DEGS2: variants seen among roughly 807,000 people sequenced by gnomAD.
DEGS2 encodes sphingolipid delta(4)-desaturase/C4-monooxygenase DES2.
A neutral mutation model predicts 23.8 loss-of-function variants in DEGS2; 19 were observed. The ratio of observed to expected loss-of-function variants is 0.80; its 90% CI spans 0.56 to 1.17. The LOEUF is 1.17. DEGS2 is among the 50% of genes most tolerant of loss of function. The pLI, the probability that DEGS2 is intolerant of heterozygous loss-of-function variation, is 0.00. For missense variants in DEGS2, 390 were observed against 459.5 expected, an observed-to-expected ratio of 0.85 and a Z score of 1.38; for synonymous variants, 218 against 213.7, an observed-to-expected ratio of 1.02 and a Z score of -0.18.
chr14:100,154,341 G>A (rs1236698327), intron 1 of DEGS2, among the ~76,000 whole-genome samples: 5 of 141,482 alleles, frequency 3.5e-5, no homozygotes, highest in Non-Finnish European at 7.6e-5. Flanking sequence ...CTCCAGCCTG[G>A]CAACAAAGCG....
rs536706572 is a variant in DEGS2 at position 100,149,700 on chromosome 14, C to T, written c.93G>A (p.Pro31=). 16 of 1,600,662 alleles carry T rather than the reference C, an allele frequency of 1.0e-5. No homozygotes were observed. The South Asian group carries it at 1.0e-4, about 10-fold the overall frequency. ...CTGGCCGCATCAGGGCCTTGATGGC[C>T]GGGTACTTGGCTGCAAGGAAGACAG... ...QRRKEILAKY[P]AIKALMRPDP... The change falls in exon 2 of 3, where the codon CCG becomes CCA. Residue 31 remains proline (P), a synonymous_variant. Transcript: ENST00000305631.
Position 100,149,413 on chromosome 14 carries a change from T to G in DEGS2, c.380A>C (p.Tyr127Ser). Residue 127 changes from tyrosine (Y) to serine (S), a missense_variant, in exon 2 of 3, where the codon TAC becomes TCC. Tyr to Ser is a moderately radical substitution (Grantham distance 144). Coordinates refer to ENST00000305631, the MANE Select transcript of DEGS2 (RefSeq NM_206918.3). ...GVPYAASFKKYHVDHHRYLGG... is the reference protein window; with the variant it reads ...GVPYAASFKKSHVDHHRYLGG... ...CAGGTAGCGGTGGTGGTCCACGTGGTACTTCTTGAAGGAGGCGGCGTAGGG... is the reference window on the plus strand; with the variant it reads ...CAGGTAGCGGTGGTGGTCCACGTGGGACTTCTTGAAGGAGGCGGCGTAGGG... The G allele has an allele frequency of 6.2e-7, 1 of 1,602,686 alleles. No individual in the cohort carries two copies. The highest frequency in any genetic ancestry group is 8.5e-7 in the Non-Finnish European group (1 of 1,173,504).
chr14:100,164,362 G>A (rs925910518), upstream of DEGS2, among the ~76,000 whole-genome samples: 12 of 152,198 alleles, frequency 7.9e-5, no homozygotes, highest in East Asian at 2.1e-3. Context: ...TGGGCTGGGC[G>A]TGGTGACTCA....
At chr14:100,148,699 G>A (rs1354217151) in intron 2 of DEGS2, among the ~76,000 whole-genome samples, 1 of 152,230 alleles carries the variant, frequency 6.6e-6, no homozygotes. Flanking sequence ...AAGACACCCT[G>A]TCAGTATCAT....
At chr14:100,150,277 G>C (rs1001971178) in intron 1 of DEGS2, among the ~76,000 whole-genome samples, 1 of 152,118 alleles carries the variant, frequency 6.6e-6, no homozygotes, top group African/African-American at 2.4e-5. Flanking sequence ...CCGCAGGTCC[G>C]AAGGCACCAC....
At chr14:100,163,722 T>C (rs933374207), upstream of DEGS2, among the ~76,000 whole-genome samples, 1 of 152,120 alleles carries the variant, frequency 6.6e-6, no homozygotes, top group East Asian at 1.9e-4. Flanking sequence ...ACTTGTTTAT[T>C]TTATTATTAC....
chr14:100,150,759 C>T, intron 1 of DEGS2, among the ~76,000 whole-genome samples: 1 of 152,244 alleles, frequency 6.6e-6, no homozygotes, highest in East Asian at 1.9e-4. Context: ...CTTTCCTCAG[C>T]ACCTCCTAGG....
chr14:100,162,767 A>T (rs1350354133), upstream of DEGS2, among the ~76,000 whole-genome samples: 1 of 152,100 alleles, frequency 6.6e-6, no homozygotes, highest in Non-Finnish European at 1.5e-5. Flanking sequence ...GGTGCTGGTT[A>T]CCTCTCAAGA....
chr14:100,145,165 C>T lies in DEGS2; in HGVS notation c.*1596G>A, dbSNP rs567742428. The T allele has an allele frequency of 2.6e-5, 4 of 152,528 alleles. No individual in the cohort carries two copies. The highest frequency in any genetic ancestry group is 2.6e-4 in the Admixed American group (4 of 15,312). The allele number at this position is 152,528 out of a possible 1,614,324, so 9.4% of individuals were successfully genotyped here. A position where few individuals can be genotyped will look rare whatever the true frequency, so the allele number is the denominator to read the frequency against. ...AGGACTGTCTGTCTTCGGAGCCACC[C>T]TCTGACCCTGGGCCTGGCCTTCAGT... On this transcript the variant is annotated 3_prime_UTR_variant, in exon 3 of 3. Transcript: ENST00000305631.
chr14:100,146,720 C>A lies in DEGS2; in HGVS notation c.*41G>T. On this transcript the variant is annotated 3_prime_UTR_variant, in exon 3 of 3. Transcript: ENST00000305631. The stretch of plus-strand genomic sequence containing the variant: ...AGTGCTGGGGTGCAAGGCTGAGGGG[C>A]CGATGGGGGACAATGGCCACCACCA... 1 of 1,604,660 alleles carries A rather than the reference C, an allele frequency of 6.2e-7. No individual in the cohort carries two copies. The highest frequency in any genetic ancestry group is 8.5e-7 in the Non-Finnish European group (1 of 1,175,472).
the DEGS2 span, among the ~76,000 whole-genome samples, chr14:100,166,329 G>C: frequency 0.24 from 10,843 of 45,728 alleles, 2,816 homozygotes; most frequent in African/African-American, 0.59. Context: ...GCCCGGGGCT[G>C]TGGGGGAGCC....
intron 2 of DEGS2, among the ~76,000 whole-genome samples, chr14:100,147,977 TGTG>T (rs1239402140): frequency 2.0e-5 from 3 of 152,180 alleles, no homozygotes. Context: ...CCTCCTGGGC[TGTG>T]GTGAAGTTCA....
At chr14:100,166,728 A>AC in the DEGS2 span, among the ~76,000 whole-genome samples, 2 of 152,148 alleles carry the variant, frequency 1.3e-5, no homozygotes, top group Non-Finnish European at 2.9e-5. Context: ...GGTCAGCAGG[A>AC]CTTTATCTGA....
intron 1 of DEGS2, among the ~76,000 whole-genome samples, chr14:100,158,296 AACTACT>A (rs1889691316): frequency 6.6e-6 from 1 of 152,106 alleles, no homozygotes; most frequent in Non-Finnish European, 1.5e-5. Flanking sequence ...CTGCAGTCTC[AACTACT>A]CAGGAGGCTG....
At chr14:100,152,879 C>T (rs527541936) in intron 1 of DEGS2, among the ~76,000 whole-genome samples, 12 of 125,474 alleles carry the variant, frequency 9.6e-5, no homozygotes, top group African/African-American at 2.9e-4. Flanking sequence ...ATCCCCTCTT[C>T]GAATGGATGG....
intron 1 of DEGS2, among the ~76,000 whole-genome samples, chr14:100,151,900 C>T (rs1889578168): frequency 6.6e-6 from 1 of 152,202 alleles, no homozygotes; most frequent in Non-Finnish European, 1.5e-5. Context: ...CTCCAGAGCG[C>T]CCAGGTCCCT....
chr14:100,155,998 C>T (rs777056194), intron 1 of DEGS2, among the ~76,000 whole-genome samples: 5 of 152,216 alleles, frequency 3.3e-5, no homozygotes, highest in Non-Finnish European at 7.4e-5. Context: ...CTAGGAGACC[C>T]CACTTTCTTA....
upstream of DEGS2, among the ~76,000 whole-genome samples, chr14:100,161,931 G>C (rs770944722): frequency 7.1e-6 from 1 of 139,980 alleles, no homozygotes. Flanking sequence ...TTAGCTGGGC[G>C]TGGTGGCAGG....
upstream of DEGS2, chr14:100,159,661 G>T (rs1203196834): frequency 1.0e-5 from 5 of 484,642 alleles, no homozygotes; most frequent in South Asian, 2.4e-5. Flanking sequence ...CCGCGGCGCG[G>T]AACCAGCTCT....
Sources: gnomAD v4.1 joint callset for allele counts (sites outside exome capture counted in the v4.1 genomes callset) on GRCh38, gnomAD v4.1.1 for gene constraint, MANE v1.5 for transcripts, NCBI Gene and HGNC (gene_info 2026-07-23, HGNC 2026-07-21) for gene names.